The following ZNF483 variants were observed in gnomAD, a reference collection of about 807,000 sequenced individuals.
ZNF483 encodes the protein zinc finger protein 483, also known as zinc finger protein HIT-10.
Under a neutral mutation model 28.6 loss-of-function variants are expected in ZNF483, and 9 were observed. The observed-to-expected ratio is 0.32, with a 90% CI of 0.19 to 0.55. The LOEUF is 0.55. Among genes scored for constraint, ZNF483 ranks in the 20% least tolerant of loss-of-function variants. The probability of loss-of-function intolerance (pLI) is 0.93; values close to 1 mark genes in which losing one functional copy is unlikely to be tolerated. For synonymous variants in ZNF483, 322 were observed against 306.2 expected (o/e 1.05, Z -0.54); for missense variants, 675 against 871.7 (o/e 0.77, Z 2.84).
intron 5 of ZNF483, chr9:111,563,531 A>C (rs1485481738): frequency 5.2e-6 from 1 of 191,688 alleles, no homozygotes; most frequent in East Asian, 1.3e-4. Context: ...TTTGAGACAG[A>C]GTCTCGCTCT....
At chr9:111,561,646 G>A (rs1205800150) in intron 5 of ZNF483, among the ~76,000 whole-genome samples, 1 of 152,128 alleles carries the variant, frequency 6.6e-6, no homozygotes, top group Non-Finnish European at 1.5e-5. Flanking sequence ...TATCTTTTGT[G>A]CAGCTCTGTG....
At chr9:111,536,171 A>G (rs1827495800) in intron 5 of ZNF483, among the ~76,000 whole-genome samples, 2 of 151,454 alleles carry the variant, frequency 1.3e-5, no homozygotes, top group African/African-American at 4.8e-5. Context: ...GATTACAGGC[A>G]TGAGCCACTG....
rs1468727296 is a variant in ZNF483, at chr9:111,561,108, T to TAGAGAGAGAGAG, written c.722-15256_722-15255insGAGAGAGAGAGA. On this transcript the variant is annotated intron_variant, in intron 5 of 5. Coordinates refer to the ZNF483 transcript ENST00000358151. ...AAATATATATATATATATATATATA[T>TAGAGAGAGAGAG]ATAGAGAGAGAGAGAGAGAGAGAGA... 2.6e-3 allele frequency among the ~76,000 whole-genome samples: 54 copies of TAGAGAGAGAGAG among 20,852 alleles called. 6 individuals carry two copies. The highest frequency in any genetic ancestry group is 3.9e-3 in the African/African-American group (10 of 2,554). 13.7% of individuals were successfully genotyped at this position (20,852 alleles called of 152,430 possible). A position where few individuals can be genotyped will look rare whatever the true frequency, so the allele number is the denominator to read the frequency against.
Position 111,545,966 on chromosome 9 carries a change from T to C in ZNF483, c.*2796T>C, listed in dbSNP as rs1827797750. 6.6e-6 allele frequency among the ~76,000 whole-genome samples: 1 copy of C among 152,204 alleles called. No homozygotes were observed. The highest frequency in any genetic ancestry group is 1.5e-5 in the Non-Finnish European group (1 of 68,032). On this transcript the variant is annotated 3_prime_UTR_variant, in exon 6 of 6. Transcript: ENST00000309235. ...TACGGTAAATTTTCATTTAACTTTT[T>C]TAGGAAACTGCCAAATTGTTTTCCA...
At chr9:111,561,713 G>C (rs750457416) in intron 5 of ZNF483, among the ~76,000 whole-genome samples, 9 of 152,164 alleles carry the variant, frequency 5.9e-5, no homozygotes, top group Non-Finnish European at 1.3e-4. Flanking sequence ...TAGAGGACCA[G>C]TATGGACTGG....
Position 111,544,237 on chromosome 9 carries a change from A to G in ZNF483, c.*1067A>G, listed in dbSNP as rs1827748625. ...ATGGATTTTGGTTTGCAAAAATTCT[A>G]CTTTAAAACAATTTTGCCTGTAGCA... is the stretch of plus-strand genomic sequence containing the variant. On this transcript the variant is annotated 3_prime_UTR_variant, in exon 6 of 6. Coordinates refer to ENST00000309235, the MANE Select transcript of ZNF483 (RefSeq NM_133464.5). The G allele has an allele frequency of 2.0e-6, 2 of 985,438 alleles. No homozygotes were observed. Among genetic ancestry groups the G allele is most frequent in the South Asian group, 4.7e-5 (1 of 21,290 alleles). 61.0% of individuals were successfully genotyped at this position (985,438 alleles called of 1,614,324 possible). A position where few individuals can be genotyped will look rare whatever the true frequency, so the allele number is the denominator to read the frequency against.
rs909353273 is a variant in ZNF483, at chr9:111,553,001, T to C, written c.*9831T>C. The stretch of plus-strand genomic sequence containing the variant: ...GATGCATGTGTAAGAAGCTATTTTA[T>C]AGCTTGCCAGGTTTACAAACTCAGA... On this transcript the variant is annotated 3_prime_UTR_variant, in exon 6 of 6. Coordinates refer to ENST00000309235, the MANE Select transcript of ZNF483 (RefSeq NM_133464.5). 6.6e-6 allele frequency among the ~76,000 whole-genome samples: 1 copy of C among 152,194 alleles called. No homozygotes were observed. The highest frequency in any genetic ancestry group is 1.5e-5 in the Non-Finnish European group (1 of 68,034).
chr9:111,545,471 C>T lies in ZNF483; in HGVS notation c.*2301C>T, dbSNP rs1827784934. ...TTAAAACCATTTCAAGTGTACAATTCAGTGAGTTTTAGTAAATATGCTGAG... is the reference window on the plus strand; with the variant it reads ...TTAAAACCATTTCAAGTGTACAATTTAGTGAGTTTTAGTAAATATGCTGAG... On this transcript the variant is annotated 3_prime_UTR_variant, in exon 6 of 6. Transcript: ENST00000309235. Among the ~76,000 whole-genome samples, 1 of 152,204 alleles carries T rather than the reference C, an allele frequency of 6.6e-6. No homozygotes were observed. Among genetic ancestry groups the T allele is most frequent in the Non-Finnish European group, 1.5e-5 (1 of 68,008 alleles).
intron 5 of ZNF483, among the ~76,000 whole-genome samples, chr9:111,573,030 T>C (rs73535459): frequency 0.051 from 7,818 of 152,238 alleles, 230 homozygotes; most frequent in Non-Finnish European, 0.069. Flanking sequence ...TTTCTGGGGC[T>C]CTGTGGCAGG....
rs1827860862 is a variant in ZNF483, at chr9:111,548,811, T to G, written c.*5641T>G. Among the ~76,000 whole-genome samples, 3 of 103,044 alleles carry G rather than the reference T, an allele frequency of 2.9e-5. No individual in the cohort carries two copies. The South Asian group carries it at 8.3e-4, about 29-fold the overall frequency. 67.6% of individuals were successfully genotyped at this position (103,044 alleles called of 152,430 possible). A position where few individuals can be genotyped will look rare whatever the true frequency, so the allele number is the denominator to read the frequency against. On this transcript the variant is annotated 3_prime_UTR_variant, in exon 6 of 6. Coordinates refer to ENST00000309235, the MANE Select transcript of ZNF483 (RefSeq NM_133464.5). ...GTTTTGCTGTATATAGAATTCTCAG[T>G]TGACAGTTTTTTTTTTTTTCTTTCT...
chr9:111,535,902 T>TA (rs1827485827), intron 5 of ZNF483, among the ~76,000 whole-genome samples: 1 of 143,748 alleles, frequency 7.0e-6, no homozygotes, highest in African/African-American at 2.6e-5. Context: ...TTATTATTCT[T>TA]TTTTTTTTTT....
Position 111,554,045 on chromosome 9 carries a change from A to AC in ZNF483, c.*10876dup, listed in dbSNP as rs1380321166. ...ACTAGCCTAGAAACAGCTGAGAACC[A>AC]CAGGTTTCAAACTCGGTGCCAAGGT... On this transcript the variant is annotated 3_prime_UTR_variant, in exon 6 of 6. Transcript: ENST00000309235. Among the ~76,000 whole-genome samples the AC allele has an allele frequency of 6.6e-6, 1 of 152,228 alleles. No homozygotes were observed. Among genetic ancestry groups the AC allele is most frequent in the Non-Finnish European group, 1.5e-5 (1 of 68,036 alleles).
rs1297489977 is a variant in ZNF483 at position 111,551,405 on chromosome 9, T to TG, written c.*8235_*8236insG. ...GAATCAAGTATCCAGTTTTTGTTTT[T>TG]TTTTTTTTTTTTTTTTTTTTGAGAT... is the stretch of plus-strand genomic sequence containing the variant. On this transcript the variant is annotated 3_prime_UTR_variant, in exon 6 of 6. Transcript: ENST00000309235. Among the ~76,000 whole-genome samples, 1 of 136,676 alleles carries TG rather than the reference T, an allele frequency of 7.3e-6. No individual in the cohort carries two copies. The highest frequency in any genetic ancestry group is 1.6e-5 in the Non-Finnish European group (1 of 63,242). 89.7% of individuals were successfully genotyped at this position (136,676 alleles called of 152,430 possible).
rs765255308 is a variant in ZNF483 at position 111,574,743 on chromosome 9, G to A, written c.722-1622G>A. Reference sequence around the variant, plus strand: ...TGCATGTGCTCATTACCTGGGGGAAGTGGGCCGGTTCTGTTATATGTAGAG... The same window carrying A: ...TGCATGTGCTCATTACCTGGGGGAAATGGGCCGGTTCTGTTATATGTAGAG... On this transcript the variant is annotated intron_variant, in intron 5 of 5. Transcript: ENST00000358151. 20 of 1,611,878 alleles carry A rather than the reference G, an allele frequency of 1.2e-5. No homozygotes were observed. The South Asian group carries it at 2.0e-4, about 16-fold the overall frequency.
chr9:111,552,686 A>G lies in ZNF483; in HGVS notation c.*9516A>G, dbSNP rs1173429633. On this transcript the variant is annotated 3_prime_UTR_variant, in exon 6 of 6. Coordinates refer to ENST00000309235, the MANE Select transcript of ZNF483 (RefSeq NM_133464.5). ...AAATTTGGAGGTTCTTTGAGACAGA[A>G]TATACCCAGAGTTTTCTTTGGGCAG... 3.3e-5 allele frequency among the ~76,000 whole-genome samples: 5 copies of G among 152,228 alleles called. No individual in the cohort carries two copies. Among genetic ancestry groups the G allele is most frequent in the Non-Finnish European group, 5.9e-5 (4 of 68,032 alleles).
intron 5 of ZNF483, chr9:111,539,325 T>G (rs1827608669): frequency 2.6e-6 from 1 of 378,524 alleles, no homozygotes; most frequent in Admixed American, 3.1e-5. Flanking sequence ...TTGCAAAGAT[T>G]TAAAGAATAT....
intron 5 of ZNF483, among the ~76,000 whole-genome samples, chr9:111,566,401 G>A (rs1464858815): frequency 1.3e-5 from 2 of 152,192 alleles, no homozygotes; most frequent in Non-Finnish European, 2.9e-5. Flanking sequence ...CACTGCAAGT[G>A]CTATACTGGG....
chr9:111,565,431 G>A (rs1828514557), intron 5 of ZNF483, among the ~76,000 whole-genome samples: 1 of 152,232 alleles, frequency 6.6e-6, no homozygotes, highest in Admixed American at 6.5e-5. Context: ...AATGTAAAAT[G>A]TTAATAATAG....
intron 5 of ZNF483, among the ~76,000 whole-genome samples, chr9:111,537,995 C>T (rs945594364): frequency 3.9e-5 from 6 of 152,074 alleles, no homozygotes; most frequent in East Asian, 1.9e-4. Context: ...ACACCAAGTA[C>T]GGCCTGTAAG....
Sources: gnomAD v4.1 joint callset for allele counts (sites outside exome capture counted in the v4.1 genomes callset) on GRCh38, gnomAD v4.1.1 for gene constraint, MANE v1.5 for transcripts, NCBI Gene and HGNC (gene_info 2026-07-23, HGNC 2026-07-21) for gene names.